SHANK2: variants seen among roughly 807,000 people sequenced by gnomAD.
The protein encoded by SHANK2 is SH3 and multiple ankyrin repeat domains 2.
SHANK2 carries 43 observed loss-of-function variants against 133.7 expected under a neutral mutation model. The observed-to-expected ratio is 0.32, with a 90% CI of 0.25 to 0.41. SHANK2 has a LOEUF of 0.41. Among genes scored for constraint, SHANK2 ranks in the 10% least tolerant of loss-of-function variants. The probability of loss-of-function intolerance (pLI) is 1.00; values close to 1 mark genes in which losing one functional copy is unlikely to be tolerated. For missense variants in SHANK2, 1,994 were observed against 2,235.8 expected, an observed-to-expected ratio of 0.89 and a Z score of 2.18; for synonymous variants, 1,017 against 952.8, an observed-to-expected ratio of 1.07 and a Z score of -1.24.
chr11:71,235,872 T>C (rs554107877), intron 1 of SHANK2, among the ~76,000 whole-genome samples: 53 of 152,308 alleles, frequency 3.5e-4, no homozygotes, highest in African/African-American at 1.2e-3. Flanking sequence ...CTCTCTCACA[T>C]GTGTGTGTAC....
At chr11:71,128,471 G>C (rs1952232372) in intron 3 of SHANK2, among the ~76,000 whole-genome samples, 1 of 152,110 alleles carries the variant, frequency 6.6e-6, no homozygotes, top group South Asian at 2.1e-4. Context: ...TGATGGAGTG[G>C]GACAGGGGCT....
chr11:70,908,617 G>A (rs1282203363), intron 10 of SHANK2, among the ~76,000 whole-genome samples: 2 of 152,200 alleles, frequency 1.3e-5, no homozygotes, highest in African/African-American at 2.4e-5. Context: ...TCCGAAGGCT[G>A]CACAGCAACC....
intron 2 of SHANK2, among the ~76,000 whole-genome samples, chr11:71,159,620 G>T (rs1255734101): frequency 6.6e-6 from 1 of 152,178 alleles, no homozygotes; most frequent in South Asian, 2.1e-4. Flanking sequence ...AAGGCATCGG[G>T]TACAAGGCAT....
chr11:70,545,232 C>T (rs1200135085), intron 17 of SHANK2, among the ~76,000 whole-genome samples: 3 of 152,250 alleles, frequency 2.0e-5, no homozygotes, highest in African/African-American at 7.2e-5. Context: ...TCCGGCTGGC[C>T]GGAGGCAGCG....
intron 1 of SHANK2, among the ~76,000 whole-genome samples, chr11:71,251,456 G>T (rs1467074625): frequency 6.6e-6 from 1 of 152,020 alleles, no homozygotes; most frequent in Non-Finnish European, 1.5e-5. Flanking sequence ...TGACGAGTGC[G>T]CTGTCGGCGT....
chr11:71,251,282 C>T (rs1410060682), intron 1 of SHANK2, among the ~76,000 whole-genome samples: 4 of 152,234 alleles, frequency 2.6e-5, no homozygotes, highest in African/African-American at 9.6e-5. Context: ...AGCAGGGTGT[C>T]CGCACGCAGA....
chr11:70,876,473 T>C (rs897869857), intron 11 of SHANK2, among the ~76,000 whole-genome samples: 3 of 150,506 alleles, frequency 2.0e-5, no homozygotes, highest in African/African-American at 7.4e-5. Context: ...GGCAGGAAGA[T>C]GGCATGAACC....
At chr11:70,821,798 G>A (rs1223218427) in intron 11 of SHANK2, among the ~76,000 whole-genome samples, 4 of 152,192 alleles carry the variant, frequency 2.6e-5, no homozygotes, top group Admixed American at 1.3e-4. Context: ...CGAGTCCACT[G>A]GCTGGATGAT....
intron 10 of SHANK2, chr11:70,944,025 A>G (rs1297894808): frequency 2.2e-6 from 1 of 454,398 alleles, no homozygotes; most frequent in East Asian, 7.0e-5. Flanking sequence ...TGGTTCAATC[A>G]TGGTTCCTGT....
chr11:70,755,440 G>A (rs1946846870), intron 14 of SHANK2, among the ~76,000 whole-genome samples: 1 of 152,242 alleles, frequency 6.6e-6, no homozygotes, highest in Admixed American at 6.5e-5. Flanking sequence ...GTGCAGGGGT[G>A]CACTCCGGCC....
chr11:70,789,959 G>C (rs896569241), intron 14 of SHANK2, among the ~76,000 whole-genome samples: 9 of 152,204 alleles, frequency 5.9e-5, no homozygotes, highest in African/African-American at 2.2e-4. Flanking sequence ...CATTTTCTCA[G>C]GGATAAACAG....
intron 6 of SHANK2, among the ~76,000 whole-genome samples, chr11:71,106,837 G>C (rs1240412468): frequency 3.9e-5 from 6 of 151,940 alleles, no homozygotes; most frequent in Non-Finnish European, 8.8e-5. Context: ...GGAAGGGGAG[G>C]GGAGAGGCCA....
chr11:70,914,965 A>G (rs1413219457), intron 10 of SHANK2, among the ~76,000 whole-genome samples: 5 of 152,016 alleles, frequency 3.3e-5, no homozygotes, highest in Non-Finnish European at 7.4e-5. Context: ...ATTTAACTGG[A>G]AACAGCAGGA....
intron 17 of SHANK2, among the ~76,000 whole-genome samples, chr11:70,655,863 G>A (rs553762603): frequency 5.9e-5 from 9 of 152,216 alleles, no homozygotes; most frequent in East Asian, 5.8e-4. Flanking sequence ...TGGGACCCCC[G>A]GCATCACCAC....
At chr11:71,167,075 G>A (rs1953167645) in intron 2 of SHANK2, among the ~76,000 whole-genome samples, 1 of 151,780 alleles carries the variant, frequency 6.6e-6, no homozygotes, top group South Asian at 2.1e-4. Flanking sequence ...AGTGGACACA[G>A]CACATGTTTC....
intron 17 of SHANK2, among the ~76,000 whole-genome samples, chr11:70,641,102 C>CT (rs71049932): frequency 0.42 from 58,211 of 138,984 alleles, 12,359 homozygotes; most frequent in Middle Eastern, 0.55. Flanking sequence ...TTTTTCTTTT[C>CT]TTTTTTTTTT....
chr11:70,501,233 T>G (rs535916302), intron 20 of SHANK2, among the ~76,000 whole-genome samples: 1 of 152,330 alleles, frequency 6.6e-6, no homozygotes, highest in South Asian at 2.1e-4. Context: ...CAGAACCTCG[T>G]GAGAAGCGGC....
intron 14 of SHANK2, among the ~76,000 whole-genome samples, chr11:70,733,986 A>G (rs1486789530): frequency 6.6e-6 from 1 of 152,174 alleles, no homozygotes; most frequent in African/African-American, 2.4e-5. Context: ...GGCTCTGTGT[A>G]CTTGCTCGCG....
chr11:70,859,970 T>C (rs1555067471), intron 11 of SHANK2, among the ~76,000 whole-genome samples: 1 of 152,172 alleles, frequency 6.6e-6, no homozygotes, highest in African/African-American at 2.4e-5. Context: ...AATTCAGCTT[T>C]GGCAACAACC....
Sources: allele counts gnomAD v4.1 joint callset (sites outside exome capture counted in the v4.1 genomes callset), GRCh38; gene constraint gnomAD v4.1.1; transcripts MANE v1.5; gene names NCBI Gene and HGNC (gene_info 2026-07-23, HGNC 2026-07-21).